Variants in NAALADL2 observed in about 807,000 individuals in gnomAD.
NAALADL2 encodes N-acetylated alpha-linked acidic dipeptidase like 2.
Under a neutral mutation model 87.2 loss-of-function variants are expected in NAALADL2, and 76 were observed. The observed-to-expected ratio is 0.87, with a 90% confidence interval of 0.72 to 1.05. NAALADL2 has a LOEUF of 1.05. NAALADL2 is among the 50% of genes least tolerant of loss of function. NAALADL2 has a pLI of 0.00. For missense variants in NAALADL2, 1,089 were observed against 945.8 expected (o/e 1.15, Z -1.99); for synonymous variants, 354 against 331.0 (o/e 1.07, Z -0.75).
At chr3:175,082,928 C>A (rs9878868) in intron 1 of NAALADL2, among the ~76,000 whole-genome samples, 34,750 of 152,016 alleles carry the variant, frequency 0.23, 4,088 homozygotes, top group East Asian at 0.33. Context: ...TGGATAGATT[C>A]CTTTCAAAAT....
chr3:174,751,222 T>C (rs1392378200), intron 3 of NAALADL2, among the ~76,000 whole-genome samples: 2 of 152,140 alleles, frequency 1.3e-5, no homozygotes, highest in East Asian at 1.9e-4. Context: ...TTATATCATA[T>C]GAAGGAAATT....
intron 10 of NAALADL2, among the ~76,000 whole-genome samples, chr3:175,587,301 C>A (rs1000513188): frequency 6.6e-6 from 1 of 152,156 alleles, no homozygotes; most frequent in South Asian, 2.1e-4. Context: ...ATGTTTTATT[C>A]TTGCTCTTGC....
At chr3:175,262,765 C>A (rs1194829329) in intron 4 of NAALADL2, among the ~76,000 whole-genome samples, 1 of 151,912 alleles carries the variant, frequency 6.6e-6, no homozygotes, top group Non-Finnish European at 1.5e-5. Flanking sequence ...CTTTAAGTGA[C>A]ATTCTATGAA....
At chr3:175,642,246 A>G (rs980185528) in intron 11 of NAALADL2, among the ~76,000 whole-genome samples, 1 of 152,208 alleles carries the variant, frequency 6.6e-6, no homozygotes, top group Non-Finnish European at 1.5e-5. Flanking sequence ...CTAAAACAGA[A>G]TTAGAGGGTA....
At chr3:174,643,339 A>G (rs1723447544) in intron 2 of NAALADL2, among the ~76,000 whole-genome samples, 1 of 152,126 alleles carries the variant, frequency 6.6e-6, no homozygotes, top group African/African-American at 2.4e-5. Flanking sequence ...GAATGACTAC[A>G]GTATATTGAT....
intron 10 of NAALADL2, among the ~76,000 whole-genome samples, chr3:175,614,272 C>T (rs542013322): frequency 6.6e-6 from 1 of 152,248 alleles, no homozygotes; most frequent in East Asian, 1.9e-4. Context: ...AGGCTGGTCT[C>T]GAACTCTTGA....
intron 2 of NAALADL2, among the ~76,000 whole-genome samples, chr3:174,664,218 A>G (rs1725761958): frequency 6.6e-6 from 1 of 152,232 alleles, no homozygotes; most frequent in East Asian, 1.9e-4. Flanking sequence ...AAATACCTGT[A>G]CAATTTAAGT....
At chr3:175,024,728 A>G (rs577051742) in intron 1 of NAALADL2, among the ~76,000 whole-genome samples, 1 of 151,640 alleles carries the variant, frequency 6.6e-6, no homozygotes, top group Non-Finnish European at 1.5e-5. Flanking sequence ...ATTTTTTTTC[A>G]GTTTTACTTT....
chr3:174,464,334 G>A (rs566297584), intron 1 of NAALADL2, among the ~76,000 whole-genome samples: 20 of 148,766 alleles, frequency 1.3e-4, no homozygotes, highest in South Asian at 2.1e-4. Flanking sequence ...AAACTTTGCC[G>A]TAAGTTTAAC....
rs1392295480 is a variant in NAALADL2 at position 175,808,545 on chromosome 3, G to A, written c.*5342G>A. 6.6e-6 allele frequency: 1 copy of A among 151,938 alleles called. No individual in the cohort carries two copies. Among genetic ancestry groups the A allele is most frequent in the Non-Finnish European group, 1.5e-5 (1 of 67,922 alleles). The allele number at this position is 151,938 out of a possible 1,614,324, so 9.4% of individuals were successfully genotyped here. ...CAAAGCTTTAATGAGTGCAGACCCAGCCTAACAGTATTTCATCTAATTTCT... is the reference window on the plus strand; with the variant it reads ...CAAAGCTTTAATGAGTGCAGACCCAACCTAACAGTATTTCATCTAATTTCT... On this transcript the variant is annotated 3_prime_UTR_variant, in exon 14 of 14. Coordinates refer to ENST00000454872, the MANE Select transcript of NAALADL2 (RefSeq NM_207015.3).
intron 11 of NAALADL2, among the ~76,000 whole-genome samples, chr3:175,645,530 TTTTAAA>T (rs1269055772): frequency 6.6e-6 from 1 of 152,024 alleles, no homozygotes; most frequent in African/African-American, 2.4e-5. Context: ...CTGGGGGGCA[TTTTAAA>T]TTTTGCTCTA....
At chr3:174,974,266 C>G (rs747273250) in intron 1 of NAALADL2, among the ~76,000 whole-genome samples, 3 of 152,212 alleles carry the variant, frequency 2.0e-5, no homozygotes, top group Non-Finnish European at 2.9e-5. Flanking sequence ...GAAGGATAAA[C>G]ACCCTTTAGT....
intron 2 of NAALADL2, among the ~76,000 whole-genome samples, chr3:175,155,975 T>C (rs140791001): frequency 6.6e-6 from 1 of 152,186 alleles, no homozygotes; most frequent in African/African-American, 2.4e-5. Flanking sequence ...AAACAAGTGC[T>C]TATTAAAATT....
chr3:175,654,677 ATTTCT>A (rs1236770506), intron 11 of NAALADL2, among the ~76,000 whole-genome samples: 1 of 152,050 alleles, frequency 6.6e-6, no homozygotes, highest in African/African-American at 2.4e-5. Flanking sequence ...GGCTTCACAG[ATTTCT>A]TTTCTTTTTT....
In NAALADL2 at chr3:175,575,994, A is replaced by G. The variant is rs150411279; in HGVS notation, c.1654-47A>G. ...TTTGAGTAGCACTGATCTAGGGATG[A>G]CCTGGGAAGCATAGTATGTGTTAAC... On this transcript the variant is annotated intron_variant, in intron 9 of 13. Coordinates refer to ENST00000454872, the MANE Select transcript of NAALADL2 (RefSeq NM_207015.3). 3.3e-5 allele frequency: 50 copies of G among 1,498,242 alleles called. 1 individual carries two copies. The African/African-American group carries it at 4.7e-4, about 14-fold the overall frequency. The allele number at this position is 1,498,242 out of a possible 1,614,324, so 92.8% of individuals were successfully genotyped here.
chr3:174,473,727 A>C (rs376776453), intron 1 of NAALADL2, among the ~76,000 whole-genome samples: 3 of 152,272 alleles, frequency 2.0e-5, no homozygotes, highest in African/African-American at 7.2e-5. Context: ...ACTAAAAAAT[A>C]TATGTTCATT....
intron 10 of NAALADL2, among the ~76,000 whole-genome samples, chr3:175,595,457 G>A (rs1317316989): frequency 6.6e-6 from 1 of 151,826 alleles, no homozygotes; most frequent in African/African-American, 2.4e-5. Context: ...TCTCTTAGCT[G>A]ATGATGATTT....
chr3:175,595,707 G>A (rs1722161887), intron 10 of NAALADL2, among the ~76,000 whole-genome samples: 1 of 151,778 alleles, frequency 6.6e-6, no homozygotes, highest in Non-Finnish European at 1.5e-5. Flanking sequence ...TTTAGAAAGA[G>A]AAGTATAAAA....
At chr3:175,425,405 C>G (rs566078430) in intron 5 of NAALADL2, among the ~76,000 whole-genome samples, 174 of 152,110 alleles carry the variant, frequency 1.1e-3, no homozygotes, top group Non-Finnish European at 2.2e-3. Flanking sequence ...AGCAGCATTG[C>G]TTTCTGAAGT....
Sources: gnomAD v4.1 joint callset for allele counts (sites outside exome capture counted in the v4.1 genomes callset) on GRCh38, gnomAD v4.1.1 for gene constraint, MANE v1.5 for transcripts, NCBI Gene and HGNC (gene_info 2026-07-23, HGNC 2026-07-21) for gene names.